EXT1: variants seen among roughly 807,000 people sequenced by gnomAD.
The protein encoded by EXT1 is exostosin-1.
In EXT1, 20 loss-of-function variants were observed where a neutral mutation model predicts 82.5. The ratio of observed to expected loss-of-function variants is 0.24; its 90% CI spans 0.17 to 0.35. The LOEUF (loss-of-function observed/expected upper bound fraction) is 0.35. EXT1 is among the 10% of genes least tolerant of loss of function. The pLI is 1.00. For synonymous variants in EXT1, 348 were observed against 350.8 expected (o/e 0.99, Z 0.09); for missense variants, 757 against 936.5 (o/e 0.81, Z 2.50).
intron 1 of EXT1, among the ~76,000 whole-genome samples, chr8:117,844,132 A>AATTATTATTATTATTATT (rs1184849304): frequency 1.7e-5 from 1 of 57,444 alleles, no homozygotes; most frequent in African/African-American, 7.2e-5. Flanking sequence ...TTAAAATTTC[A>AATTATTATTATTATTATT]ATTACTATTA....
At chr8:117,958,126 T>TA (rs1230404859) in intron 1 of EXT1, among the ~76,000 whole-genome samples, 2 of 149,772 alleles carry the variant, frequency 1.3e-5, no homozygotes, top group Non-Finnish European at 3.0e-5. Flanking sequence ...TTTTTTTTTT[T>TA]AATAAGTGCA....
intron 1 of EXT1, among the ~76,000 whole-genome samples, chr8:118,029,330 G>A (rs2129874682): frequency 6.6e-6 from 1 of 152,294 alleles, no homozygotes; most frequent in East Asian, 1.9e-4. Context: ...GGAGGCTGAG[G>A]TGGGAGAATC....
chr8:118,090,544 G>A (rs557935689), intron 1 of EXT1, among the ~76,000 whole-genome samples: 3 of 151,990 alleles, frequency 2.0e-5, no homozygotes, highest in African/African-American at 4.8e-5. Context: ...TTGGGAGGCC[G>A]AGGCAGGCAG....
intron 1 of EXT1, among the ~76,000 whole-genome samples, chr8:117,930,010 A>G (rs1814020947): frequency 6.6e-6 from 1 of 152,134 alleles, no homozygotes; most frequent in Non-Finnish European, 1.5e-5. Flanking sequence ...TGGGAGGCTG[A>G]GGCAGACTTG....
chr8:117,999,960 G>A (rs201455030), intron 1 of EXT1, among the ~76,000 whole-genome samples: 3 of 150,718 alleles, frequency 2.0e-5, no homozygotes, highest in Admixed American at 1.3e-4. Context: ...GTATGTGCGT[G>A]TATATATATA....
chr8:117,934,855 G>A (rs1814128894), intron 1 of EXT1, among the ~76,000 whole-genome samples: 1 of 152,116 alleles, frequency 6.6e-6, no homozygotes, highest in African/African-American at 2.4e-5. Flanking sequence ...CAGAAACTCA[G>A]GATAGAAAAC....
intron 4 of EXT1, among the ~76,000 whole-genome samples, chr8:117,824,582 T>C (rs1238015140): frequency 6.6e-6 from 1 of 152,216 alleles, no homozygotes; most frequent in African/African-American, 2.4e-5. Flanking sequence ...AATTTAAGAA[T>C]AGCTGCCTAA....
chr8:117,951,859 A>T (rs1338657345), intron 1 of EXT1, among the ~76,000 whole-genome samples: 2 of 152,254 alleles, frequency 1.3e-5, no homozygotes, highest in East Asian at 3.8e-4. Context: ...ATAATATGTG[A>T]AATTCAAATT....
intron 1 of EXT1, among the ~76,000 whole-genome samples, chr8:117,970,303 C>T (rs1563616627): frequency 6.7e-6 from 1 of 149,238 alleles, no homozygotes; most frequent in Non-Finnish European, 1.5e-5. Flanking sequence ...CAGGAATCTA[C>T]ATTTTTTTTT....
chr8:117,971,153 C>CA (rs1293754297), intron 1 of EXT1, among the ~76,000 whole-genome samples: 1 of 152,150 alleles, frequency 6.6e-6, no homozygotes, highest in African/African-American at 2.4e-5. Context: ...CCCGAAAGAG[C>CA]AAAATGATCT....
chr8:117,856,686 C>T (rs137935490), intron 1 of EXT1, among the ~76,000 whole-genome samples: 7 of 152,138 alleles, frequency 4.6e-5, no homozygotes, highest in African/African-American at 7.2e-5. Context: ...ATCATAATAG[C>T]GCAAGGTGAA....
At chr8:117,986,053 C>T (rs1033700727) in intron 1 of EXT1, among the ~76,000 whole-genome samples, 4 of 152,032 alleles carry the variant, frequency 2.6e-5, no homozygotes, top group African/African-American at 9.7e-5. Flanking sequence ...AGCGGTGACT[C>T]CTGAGTGTTA....
intron 1 of EXT1, among the ~76,000 whole-genome samples, chr8:117,959,244 C>G (rs1373205798): frequency 3.3e-5 from 5 of 152,210 alleles, no homozygotes; most frequent in Admixed American, 1.3e-4. Flanking sequence ...AGACAGAACT[C>G]TCCTGCCTAG....
intron 1 of EXT1, among the ~76,000 whole-genome samples, chr8:117,874,904 G>C (rs1334266325): frequency 6.6e-6 from 1 of 152,124 alleles, no homozygotes; most frequent in Non-Finnish European, 1.5e-5. Context: ...TCCATTAGCG[G>C]CTTTGACAAT....
intron 1 of EXT1, among the ~76,000 whole-genome samples, chr8:118,009,340 A>T (rs1051720028): frequency 1.3e-5 from 2 of 152,166 alleles, no homozygotes; most frequent in Non-Finnish European, 2.9e-5. Context: ...AACAACAAAA[A>T]CTATGCCAGG....
At chr8:118,105,016 A>G (rs1326702710) in intron 1 of EXT1, among the ~76,000 whole-genome samples, 2 of 152,216 alleles carry the variant, frequency 1.3e-5, no homozygotes, top group Non-Finnish European at 2.9e-5. Flanking sequence ...TTTAGCCTCA[A>G]TTCAGCCACT....
intron 2 of EXT1, among the ~76,000 whole-genome samples, chr8:117,836,014 G>T (rs1812183979): frequency 6.6e-6 from 1 of 152,190 alleles, no homozygotes; most frequent in African/African-American, 2.4e-5. Context: ...AGCATTCCTA[G>T]GCAGCAGTTC....
chr8:117,903,703 C>A (rs1218069357), intron 1 of EXT1, among the ~76,000 whole-genome samples: 1 of 152,162 alleles, frequency 6.6e-6, no homozygotes, highest in African/African-American at 2.4e-5. Flanking sequence ...AACAACTTGC[C>A]ACAGACAGTC....
At chr8:117,959,727 C>A (rs1393862392) in intron 1 of EXT1, among the ~76,000 whole-genome samples, 1 of 152,188 alleles carries the variant, frequency 6.6e-6, no homozygotes. Flanking sequence ...CTGCTCAAAC[C>A]ACAGTGAATC....
Sources: allele counts gnomAD v4.1 joint callset (sites outside exome capture counted in the v4.1 genomes callset), GRCh38; gene constraint gnomAD v4.1.1; transcripts MANE v1.5; gene names NCBI Gene and HGNC (gene_info 2026-07-23, HGNC 2026-07-21).